Variants in TRAF7 observed in about 807,000 individuals in gnomAD.
The protein encoded by TRAF7 is E3 ubiquitin-protein ligase TRAF7.
TRAF7 carries 45 observed loss-of-function variants against 89.3 expected under a neutral mutation model. The ratio of observed to expected loss-of-function variants is 0.50; its 90% CI spans 0.40 to 0.65. The LOEUF is 0.65. Ranked by LOEUF, TRAF7 falls within the 30% of genes least tolerant of loss-of-function variation. TRAF7 has a pLI of 0.00. For missense variants in TRAF7, 677 were observed against 918.1 expected (o/e 0.74, Z 3.39); for synonymous variants, 406 against 369.2 (o/e 1.10, Z -1.14).
In TRAF7 at chr16:2,177,872, G is replaced by A. The variant is rs2093147001; in HGVS notation, c.*1298G>A. On this transcript the variant is annotated 3_prime_UTR_variant, in exon 21 of 21. Coordinates refer to ENST00000326181, the MANE Select transcript of TRAF7 (RefSeq NM_032271.3). ...AGCCCCCGGCAGAGCACCCGCCCCCGGGCCCCAGCCTTCCACCTGTGCTAG... is the reference window on the plus strand; with the variant it reads ...AGCCCCCGGCAGAGCACCCGCCCCCAGGCCCCAGCCTTCCACCTGTGCTAG... The A allele has an allele frequency of 3.5e-6, 1 of 288,982 alleles. No homozygotes were observed. Among genetic ancestry groups the A allele is most frequent in the African/African-American group, 2.2e-5 (1 of 45,462 alleles). The allele number at this position is 288,982 out of a possible 1,614,324, so 17.9% of individuals were successfully genotyped here. A position where few individuals can be genotyped will look rare whatever the true frequency, so the allele number is the denominator to read the frequency against.
intron 2 of TRAF7, among the ~76,000 whole-genome samples, chr16:2,164,382 G>A (rs367990995): frequency 2.6e-4 from 39 of 148,536 alleles, no homozygotes; most frequent in African/African-American, 7.5e-4. Flanking sequence ...TTAGTGCTGC[G>A]TGGTGCGGCC....
intron 1 of TRAF7, among the ~76,000 whole-genome samples, chr16:2,160,347 C>G (rs1159852212): frequency 6.6e-6 from 1 of 151,954 alleles, no homozygotes; most frequent in Non-Finnish European, 1.5e-5. Flanking sequence ...GTGGATGCTG[C>G]GCTTCCTCAA....
chr16:2,173,808 C>T lies in TRAF7; in HGVS notation c.1107C>T (p.Asn369=), dbSNP rs755596134. The change falls in exon 12 of 21, where the codon AAC becomes AAT. Residue 369 remains asparagine (N), a synonymous_variant. Transcript: ENST00000326181. ...SMLNDELSHI[N]ARLNMGILGS... is the part of the protein sequence containing the mutation. ...TGCAGGACGAGCTGTCCCACATCAA[C>T]GCGCGGCTGAACATGGGCATCCTAG... 80 of 1,610,658 alleles carry T rather than the reference C, an allele frequency of 5.0e-5. No individual in the cohort carries two copies. Among genetic ancestry groups the T allele is most frequent in the Admixed American group, 1.0e-4 (6 of 59,992 alleles).
rs1268399486 is a variant in TRAF7, at chr16:2,172,280, C to T, written c.565C>T (p.Arg189Trp). ...GATCGGGGAGCTCTTCATCCACTGC[C>T]GGCACGGCTGCCGGGTAGCGGGCAG... ...EQIGELFIHC[R>W]HGCRVAGSGK... is the part of the protein sequence containing the mutation. The change falls in exon 8 of 21, where the codon CGG (arginine) becomes TGG (tryptophan). Residue 189 changes from arginine (R) to tryptophan (W), a missense_variant. By Grantham distance (101) the Arg-to-Trp change is moderately radical. Coordinates refer to ENST00000326181, the MANE Select transcript of TRAF7 (RefSeq NM_032271.3). 11 of 1,612,770 alleles carry T rather than the reference C, an allele frequency of 6.8e-6. No individual in the cohort carries two copies. Among genetic ancestry groups the T allele is most frequent in the African/African-American group, 4.0e-5 (3 of 74,922 alleles).
intron 14 of TRAF7, 88 bp from the exon 15 acceptor site, chr16:2,175,023 T>C (rs1348424760): frequency 1.4e-5 from 21 of 1,534,860 alleles, no homozygotes; most frequent in East Asian, 1.1e-4. Context: ...TGGTTCCTGA[T>C]GGCTGGCATG....
intron 14 of TRAF7, among the ~76,000 whole-genome samples, chr16:2,174,628 G>T (rs117503499): frequency 2.1e-3 from 327 of 152,262 alleles, no homozygotes; most frequent in Non-Finnish European, 3.7e-3. Context: ...GGGACCTTAG[G>T]GGGTGAAGGC....
Position 2,172,935 on chromosome 16 carries a change from C to T in TRAF7, c.795-247C>T, listed in dbSNP as rs192085721. ...GGTGGGCAGGGAGGCTGCCAAGCAGCGTGGGTTTTATCCTCAGGAAGGGAG... is the reference window on the plus strand; with the variant it reads ...GGTGGGCAGGGAGGCTGCCAAGCAGTGTGGGTTTTATCCTCAGGAAGGGAG... On this transcript the variant is annotated intron_variant, in intron 9 of 20. Transcript: ENST00000326181. Among the ~76,000 whole-genome samples the T allele has an allele frequency of 2.1e-3, 320 of 152,130 alleles. 6 individuals carry two copies. Among genetic ancestry groups the T allele is most frequent in the Admixed American group, 0.02 (301 of 15,276 alleles).
Position 2,176,733 on chromosome 16 carries a change from G to A in TRAF7, c.*159G>A, listed in dbSNP as rs1206219222. On this transcript the variant is annotated 3_prime_UTR_variant, in exon 21 of 21. Transcript: ENST00000326181. Reference sequence around the variant, plus strand: ...GTGCCCTCCCCGTCCCATGCTCGGCGAGCCTCCCTCTACTCGGCACTGTCC... The same window carrying A: ...GTGCCCTCCCCGTCCCATGCTCGGCAAGCCTCCCTCTACTCGGCACTGTCC... 1.1e-4 allele frequency: 116 copies of A among 1,086,196 alleles called. 1 individual carries two copies. Among genetic ancestry groups the A allele is most frequent in the Non-Finnish European group, 1.5e-4 (110 of 736,522 alleles). 67.3% of individuals were successfully genotyped at this position (1,086,196 alleles called of 1,614,324 possible). A position where few individuals can be genotyped will look rare whatever the true frequency, so the allele number is the denominator to read the frequency against.
chr16:2,173,012 G>A (rs1184950255), intron 9 of TRAF7, among the ~76,000 whole-genome samples, 170 bp from the exon 10 acceptor site: 1 of 152,036 alleles, frequency 6.6e-6, no homozygotes, highest in East Asian at 1.9e-4. Flanking sequence ...CACTTGTGAA[G>A]CAGACTGGGG....
In TRAF7 at chr16:2,162,280, C is replaced by T. The variant is rs2093061137; in HGVS notation, c.-38-1603C>T. 6.6e-6 allele frequency among the ~76,000 whole-genome samples: 1 copy of T among 151,158 alleles called. No individual in the cohort carries two copies. Among genetic ancestry groups the T allele is most frequent in the South Asian group, 2.1e-4 (1 of 4,826 alleles). ...GAGACAGCAGGAGTGGTAGACAGCC[C>T]AGGAGCTCAGGTGCAGGGAACCAAG... On this transcript the variant is annotated intron_variant, in intron 1 of 20. Transcript: ENST00000326181. This position sits in a 1 kb window ranked among gnomAD's most constrained non-coding sequence, Gnocchi z 5.0.
At position 2,159,323 on chromosome 16, in the gene TRAF7, C is replaced by T. The variant is rs2093048295; in HGVS notation, c.-39+3465C>T. On this transcript the variant is annotated intron_variant, in intron 1 of 20. Coordinates refer to ENST00000326181, the MANE Select transcript of TRAF7 (RefSeq NM_032271.3). This position sits in a 1 kb window ranked among gnomAD's most constrained non-coding sequence, Gnocchi z 6.5. ...CGCCGTGCTAGGAGGGAAGCGGGGC[C>T]AAGCCGGCCTCAGACCAGGGCCTGC... Among the ~76,000 whole-genome samples the T allele has an allele frequency of 6.6e-6, 1 of 152,138 alleles. No individual in the cohort carries two copies. The highest frequency in any genetic ancestry group is 2.4e-5 in the African/African-American group (1 of 41,424).
At position 2,164,159 on chromosome 16, in the gene TRAF7, T is replaced by TGTGTGTGTGTGTGC. The variant is rs879079517; in HGVS notation, c.81+159_81+160insTGTGTGTGTGTGCG. ...GGTGTGGTGTGTGTGTGTGTGTGTG[T>TGTGTGTGTGTGTGC]GCGCGCGCGCGCGCGCGCGCGCACG... On this transcript the variant is annotated intron_variant, in intron 2 of 20. Transcript: ENST00000326181. Among the ~76,000 whole-genome samples, 217 of 126,114 alleles carry TGTGTGTGTGTGTGC rather than the reference T, an allele frequency of 1.7e-3. 2 individuals are homozygous for TGTGTGTGTGTGTGC. The highest frequency in any genetic ancestry group is 3.2e-3 in the Non-Finnish European group (189 of 59,626). The allele number at this position is 126,114 out of a possible 152,430, so 82.7% of individuals were successfully genotyped here. A position where few individuals can be genotyped will look rare whatever the true frequency, so the allele number is the denominator to read the frequency against.
At chr16:2,173,859 T>TGGGGGGGGCCCCCCCC in intron 12 of TRAF7, 23 bp downstream of exon 12, 3 of 1,246,204 alleles carry the variant, frequency 2.4e-6, no homozygotes, top group Non-Finnish European at 3.3e-6. Context: ...CCGCCGTGGC[T>TGGGGGGGGCCCCCCCC]CCCGCCCACC....
chr16:2,167,264 A>G (rs147031166), intron 3 of TRAF7, among the ~76,000 whole-genome samples: 55 of 152,120 alleles, frequency 3.6e-4, no homozygotes, highest in African/African-American at 1.2e-3. Flanking sequence ...GCCCACAGGT[A>G]CCTCACCTGG....
At chr16:2,173,859 T>TGGGGGGCCGCCCCCCC in intron 12 of TRAF7, 23 bp downstream of exon 12, 1 of 1,246,254 alleles carries the variant, frequency 8.0e-7, no homozygotes, top group Non-Finnish European at 1.1e-6. Context: ...CCGCCGTGGC[T>TGGGGGGCCGCCCCCCC]CCCGCCCACC....
Position 2,163,912 on chromosome 16 carries a change from C to G in TRAF7, c.-9C>G, listed in dbSNP as rs1010231907. On this transcript the variant is annotated 5_prime_UTR_variant, in exon 2 of 21. Coordinates refer to ENST00000326181, the MANE Select transcript of TRAF7 (RefSeq NM_032271.3). The surrounding 1 kb of genome is among the most constrained non-coding windows in gnomAD (Gnocchi z 4.3). Reference sequence around the variant, plus strand: ...TGCTTCCCAAGGACCGTAGATGCCTCTCTAGAGCATGAGCTCAGGCAAGAG... The same window carrying G: ...TGCTTCCCAAGGACCGTAGATGCCTGTCTAGAGCATGAGCTCAGGCAAGAG... 4 of 1,611,722 alleles carry G rather than the reference C, an allele frequency of 2.5e-6. No individual in the cohort carries two copies. In the East Asian group the frequency reaches 6.7e-5, roughly 27 times the overall value.
At position 2,159,908 on chromosome 16, in the gene TRAF7, T is replaced by A. The variant is rs2093050590; in HGVS notation, c.-38-3975T>A. The stretch of plus-strand genomic sequence containing the variant: ...CAGGGCCCCCCAGGCTGCTGCCAAG[T>A]GGGCGGGGACCCCTGACCCAGACCC... On this transcript the variant is annotated intron_variant, in intron 1 of 20. Transcript: ENST00000326181. The surrounding 1 kb of genome is among the most constrained non-coding windows in gnomAD (Gnocchi z 6.5). Among the ~76,000 whole-genome samples the A allele has an allele frequency of 6.6e-6, 1 of 152,134 alleles. No individual in the cohort carries two copies. Among genetic ancestry groups the A allele is most frequent in the African/African-American group, 2.4e-5 (1 of 41,420 alleles).
At chr16:2,175,451 C>T (rs1436711921) in intron 16 of TRAF7, 34 bp downstream of exon 16, 6 of 1,612,292 alleles carry the variant, frequency 3.7e-6, no homozygotes, top group Non-Finnish European at 5.1e-6. Context: ...GTGTGTGTCA[C>T]TGAGGCGTCC....
At chr16:2,160,210 C>CA (rs1224591775) in intron 1 of TRAF7, among the ~76,000 whole-genome samples, 1 of 151,980 alleles carries the variant, frequency 6.6e-6, no homozygotes, top group African/African-American at 2.4e-5. Flanking sequence ...CAGGCGAGGT[C>CA]AGGGAGGGGC....
Sources: allele counts gnomAD v4.1 joint callset (sites outside exome capture counted in the v4.1 genomes callset), GRCh38; gene constraint gnomAD v4.1.1; non-coding constraint Gnocchi (gnomAD v3.1); transcripts MANE v1.5; gene names NCBI Gene and HGNC (gene_info 2026-07-23, HGNC 2026-07-21).